Variants in PARD3B observed in about 807,000 individuals in gnomAD.
PARD3B encodes the protein par-3 family cell polarity regulator beta, also known as partitioning defective 3 homolog B.
In PARD3B, 103 loss-of-function variants were observed where a neutral mutation model predicts 130.2. The observed-to-expected ratio is 0.79, with a 90% CI of 0.67 to 0.93. The LOEUF (loss-of-function observed/expected upper bound fraction) is 0.93, where lower values mean the gene tolerates loss of function less well. Among genes scored for constraint, PARD3B ranks in the 40% least tolerant of loss-of-function variants. The pLI, the probability that PARD3B is intolerant of heterozygous loss-of-function variation, is 0.00. For synonymous variants in PARD3B, 583 were observed against 553.2 expected (o/e 1.05, Z -0.76); for missense variants, 1,609 against 1,499.2 (o/e 1.07, Z -1.21).
intron 13 of PARD3B, among the ~76,000 whole-genome samples, chr2:205,185,239 A>G (rs2036027153): frequency 6.6e-6 from 1 of 151,150 alleles, no homozygotes. Flanking sequence ...ACAGATAGAA[A>G]AAAAGAGCGC....
At chr2:205,147,095 T>C (rs1281216709) in intron 10 of PARD3B, among the ~76,000 whole-genome samples, 1 of 152,212 alleles carries the variant, frequency 6.6e-6, no homozygotes, top group Non-Finnish European at 1.5e-5. Context: ...TTCTCTAATC[T>C]ACTTTTAACA....
chr2:204,558,765 G>A, intron 1 of PARD3B, among the ~76,000 whole-genome samples: 1 of 152,266 alleles, frequency 6.6e-6, no homozygotes, highest in East Asian at 1.9e-4. Flanking sequence ...CAAAGCTGGA[G>A]GCATCATGCT....
intron 2 of PARD3B, among the ~76,000 whole-genome samples, chr2:204,844,710 G>T (rs2044394929): frequency 6.6e-6 from 1 of 152,096 alleles, no homozygotes; most frequent in African/African-American, 2.4e-5. Context: ...TGAGTTACAG[G>T]CCTATTCTTT....
At chr2:205,177,405 A>C (rs950932098) in intron 13 of PARD3B, among the ~76,000 whole-genome samples, 41 of 152,356 alleles carry the variant, frequency 2.7e-4, no homozygotes, top group African/African-American at 9.4e-4. Flanking sequence ...AAATAATGAA[A>C]TGTATGTAAT....
At chr2:204,954,088 C>G (rs1162092695) in intron 2 of PARD3B, among the ~76,000 whole-genome samples, 1 of 152,112 alleles carries the variant, frequency 6.6e-6, no homozygotes, top group Non-Finnish European at 1.5e-5. Context: ...AATTACAAAT[C>G]TTGACATTTA....
At chr2:205,270,630 A>G (rs2040687968) in intron 16 of PARD3B, among the ~76,000 whole-genome samples, 1 of 152,082 alleles carries the variant, frequency 6.6e-6, no homozygotes, top group Non-Finnish European at 1.5e-5. Flanking sequence ...ATAAAGAAGT[A>G]AAGTTCCTGT....
At chr2:205,261,985 C>T (rs1168900391) in intron 16 of PARD3B, among the ~76,000 whole-genome samples, 2 of 152,096 alleles carry the variant, frequency 1.3e-5, no homozygotes, top group Non-Finnish European at 2.9e-5. Context: ...CAAATCAAAA[C>T]CAGTCCTATT....
At chr2:204,726,305 A>G (rs1490022953) in intron 2 of PARD3B, among the ~76,000 whole-genome samples, 1 of 152,202 alleles carries the variant, frequency 6.6e-6, no homozygotes, top group Non-Finnish European at 1.5e-5. Context: ...TTCATTTAAA[A>G]TGTATTCCCA....
chr2:204,701,029 T>C (rs984384945), intron 2 of PARD3B, among the ~76,000 whole-genome samples: 2 of 152,138 alleles, frequency 1.3e-5, no homozygotes, highest in Non-Finnish European at 2.9e-5. Context: ...CTTTTGTATA[T>C]GTATTGAAGC....
intron 20 of PARD3B, among the ~76,000 whole-genome samples, chr2:205,455,214 G>A (rs943677876): frequency 5.9e-5 from 9 of 152,034 alleles, no homozygotes; most frequent in African/African-American, 4.8e-5. Context: ...TCTGTAAAAT[G>A]AGCATAATCG....
chr2:205,557,526 G>C lies in PARD3B; in HGVS notation c.3260+4123G>C, dbSNP rs72935845. Among the ~76,000 whole-genome samples the C allele has an allele frequency of 3.9e-5, 6 of 152,176 alleles. No individual in the cohort carries two copies. The East Asian group carries it at 9.6e-4, about 24-fold the overall frequency. On this transcript the variant is annotated intron_variant, in intron 22 of 22. Transcript: ENST00000406610. Reference sequence around the variant, plus strand: ...GGGGATGCACTGAGGGCCTGAGCTCGGAGTCAGGCCATGATTATAGCCCCA... The same window carrying C: ...GGGGATGCACTGAGGGCCTGAGCTCCGAGTCAGGCCATGATTATAGCCCCA...
intron 2 of PARD3B, among the ~76,000 whole-genome samples, chr2:204,743,336 T>G (rs55885667): frequency 6.6e-6 from 1 of 152,156 alleles, no homozygotes; most frequent in African/African-American, 2.4e-5. Context: ...TAATTGCATA[T>G]AGATTTTTAA....
chr2:204,634,132 C>T (rs1319083836), intron 1 of PARD3B, among the ~76,000 whole-genome samples: 1 of 152,140 alleles, frequency 6.6e-6, no homozygotes, highest in Admixed American at 6.5e-5. Context: ...CCCTCCTGCC[C>T]TAGCTCCCCA....
In PARD3B at chr2:205,575,290, C is replaced by T. The variant is rs1030333584; in HGVS notation, c.3260+21887C>T. ...CACAGATTTCTCATAAACCTGCCAC[C>T]TCAACACATGCGTAACTTCCCTCAT... On this transcript the variant is annotated intron_variant, in intron 22 of 22. Transcript: ENST00000406610. The surrounding 1 kb of genome is among the most constrained non-coding windows in gnomAD (Gnocchi z 4.6). 2.0e-5 allele frequency among the ~76,000 whole-genome samples: 3 copies of T among 151,990 alleles called. No individual in the cohort carries two copies. The highest frequency in any genetic ancestry group is 4.4e-5 in the Non-Finnish European group (3 of 67,988).
chr2:205,222,143 AC>A (rs1281064424), intron 15 of PARD3B, among the ~76,000 whole-genome samples: 1 of 150,968 alleles, frequency 6.6e-6, no homozygotes, highest in African/African-American at 2.4e-5. Flanking sequence ...CATGAAAAAT[AC>A]CCAGAAAGTT....
chr2:205,462,368 A>T (rs2048479248), intron 20 of PARD3B, among the ~76,000 whole-genome samples: 1 of 152,206 alleles, frequency 6.6e-6, no homozygotes, highest in Non-Finnish European at 1.5e-5. Flanking sequence ...TTCTGTTTCT[A>T]ATTACAGTCT....
intron 1 of PARD3B, chr2:204,558,157 A>G (rs2031051988): frequency 6.6e-6 from 1 of 152,192 alleles, no homozygotes; most frequent in Non-Finnish European, 1.5e-5. Flanking sequence ...CTCTCAGTTT[A>G]GTCTCTATCA....
At chr2:205,582,040 A>T (rs2054009494) in intron 22 of PARD3B, among the ~76,000 whole-genome samples, 1 of 152,172 alleles carries the variant, frequency 6.6e-6, no homozygotes, top group Non-Finnish European at 1.5e-5. Context: ...TCCATCCCTC[A>T]TGCAATCAGT....
chr2:204,985,945 C>G (rs1023868143), intron 3 of PARD3B, among the ~76,000 whole-genome samples: 3 of 151,658 alleles, frequency 2.0e-5, no homozygotes, highest in African/African-American at 7.3e-5. Context: ...ACTAAAAATA[C>G]AAAAAGTTAG....
Sources: gnomAD v4.1 joint callset for allele counts (sites outside exome capture counted in the v4.1 genomes callset) on GRCh38, gnomAD v4.1.1 for gene constraint, Gnocchi (gnomAD v3.1) non-coding constraint, MANE v1.5 for transcripts, NCBI Gene and HGNC (gene_info 2026-07-23, HGNC 2026-07-21) for gene names.